Variants in ANO6 observed in about 807,000 individuals in gnomAD.
The protein encoded by ANO6 is anoctamin-6.
Under a neutral mutation model 117.5 loss-of-function variants are expected in ANO6, and 106 were observed. The observed-to-expected ratio is 0.90, with a 90% confidence interval of 0.77 to 1.06. The LOEUF (loss-of-function observed/expected upper bound fraction) is 1.06. Ranked by LOEUF, ANO6 falls within the 50% of genes least tolerant of loss-of-function variation. The pLI is 0.00. For missense variants in ANO6, 955 were observed against 1,121.1 expected, an observed-to-expected ratio of 0.85 and a Z score of 2.12; for synonymous variants, 367 against 385.1, an observed-to-expected ratio of 0.95 and a Z score of 0.55.
intron 3 of ANO6, among the ~76,000 whole-genome samples, chr12:45,340,439 G>A (rs1940948843): frequency 6.6e-6 from 1 of 152,112 alleles, no homozygotes. Flanking sequence ...AAATGTGGTT[G>A]CACTGCAAAT....
At chr12:45,288,723 A>G (rs899025960) in intron 1 of ANO6, among the ~76,000 whole-genome samples, 2 of 152,098 alleles carry the variant, frequency 1.3e-5, no homozygotes, top group African/African-American at 4.8e-5. Context: ...TTTTGGGTAT[A>G]TATTATAATA....
chr12:45,378,426 A>G (rs1377098878), intron 10 of ANO6, among the ~76,000 whole-genome samples: 2 of 152,040 alleles, frequency 1.3e-5, no homozygotes, highest in Non-Finnish European at 2.9e-5. Flanking sequence ...TCCACTGGGG[A>G]TAGATGATCT....
At position 45,409,470 on chromosome 12, in the gene ANO6, A is replaced by G; in HGVS notation, c.1994A>G (p.Tyr665Cys). 6.2e-7 allele frequency: 1 copy of G among 1,613,878 alleles called. No homozygotes were observed. The highest frequency in any genetic ancestry group is 2.2e-5 in the East Asian group (1 of 44,864). Residue 665 changes from tyrosine (Y) to cysteine (C), a missense_variant, in exon 16 of 20, where the codon TAT becomes TGT. Physicochemically the swap from Tyr to Cys is radical, Grantham distance 194. Transcript: ENST00000320560. ...CCTATGGGCAAACTGGGATTATTTT[A>G]TGAATATCTTGAAATGAGTAAGTTG... ...LQPMGKLGLF[Y>C]EYLEMIIQFG...
chr12:45,276,646 C>A (rs975604522), intron 1 of ANO6, among the ~76,000 whole-genome samples: 34 of 152,092 alleles, frequency 2.2e-4, no homozygotes, highest in African/African-American at 8.2e-4. Flanking sequence ...TCCTTCATAT[C>A]TCCAAGCAGA....
chr12:45,259,367 G>A (rs545270600), intron 1 of ANO6, among the ~76,000 whole-genome samples: 111 of 152,270 alleles, frequency 7.3e-4, no homozygotes, highest in African/African-American at 1.1e-3. Flanking sequence ...TCAGGGGAGC[G>A]AGTCATTGGA....
intron 1 of ANO6, among the ~76,000 whole-genome samples, chr12:45,290,109 G>T (rs1206857378): frequency 2.0e-5 from 3 of 151,984 alleles, no homozygotes; most frequent in Admixed American, 2.0e-4. Flanking sequence ...GTTTGGGTAA[G>T]GCATGCTGTT....
intron 19 of ANO6, among the ~76,000 whole-genome samples, chr12:45,426,791 C>T (rs1485438833): frequency 6.6e-6 from 1 of 152,014 alleles, no homozygotes; most frequent in Admixed American, 6.6e-5. Context: ...TGGTTGTCAT[C>T]TTTTCTCTCT....
At chr12:45,373,503 C>T (rs145710427) in intron 9 of ANO6, among the ~76,000 whole-genome samples, 1 of 152,140 alleles carries the variant, frequency 6.6e-6, no homozygotes, top group Non-Finnish European at 1.5e-5. Flanking sequence ...GAAATTATAA[C>T]AAACTATCTC....
intron 19 of ANO6, among the ~76,000 whole-genome samples, chr12:45,424,350 T>G (rs1943445432): frequency 7.4e-6 from 1 of 135,078 alleles, no homozygotes; most frequent in South Asian, 2.7e-4. Flanking sequence ...TTTTTTTTTT[T>G]TTTTTAAAGA....
Position 45,216,463 on chromosome 12 carries a change from G to C in ANO6, c.70+72G>C, listed in dbSNP as rs879675330. 6.6e-5 allele frequency: 101 copies of C among 1,533,888 alleles called. No individual in the cohort carries two copies. The Admixed American group carries it at 1.9e-3, about 28-fold the overall frequency. On this transcript the variant is annotated intron_variant, in intron 1 of 19. Transcript: ENST00000320560. ...CGGGAAGAAGTTCGGGGACTGCGCG[G>C]GGGCGCTGTGCTCTCCGCGGGGGAG... is the stretch of plus-strand genomic sequence containing the variant.
intron 2 of ANO6, among the ~76,000 whole-genome samples, chr12:45,306,974 A>G (rs942296446): frequency 3.8e-4 from 58 of 152,220 alleles, no homozygotes; most frequent in African/African-American, 1.3e-3. Context: ...AAGGAGTAGC[A>G]TAAACAGGTT....
chr12:45,274,203 C>T (rs552253527), intron 1 of ANO6, among the ~76,000 whole-genome samples: 2 of 152,266 alleles, frequency 1.3e-5, no homozygotes, highest in East Asian at 3.9e-4. Flanking sequence ...GCCCTGAATG[C>T]CATCTGTATG....
chr12:45,302,230 G>A (rs17095706), intron 2 of ANO6, 137 bp downstream of exon 2: 17,099 of 781,010 alleles, frequency 0.022, 456 homozygotes, highest in East Asian at 0.11. Flanking sequence ...GGGACTGTGC[G>A]TTCAGAGCTC....
At position 45,431,354 on chromosome 12, in the gene ANO6, A is replaced by ACTAT. The variant is rs1258704597; in HGVS notation, c.*2046_*2049dup. On this transcript the variant is annotated 3_prime_UTR_variant, in exon 20 of 20. Transcript: ENST00000320560. ...CCTCTTCTCTTCTCTGAAGTGTGTG[A>ACTAT]CTATCTCCTAGTGTTTAAATTTGGC... The ACTAT allele has an allele frequency of 1.7e-5, 17 of 985,378 alleles. No homozygotes were observed. In the African/African-American group the frequency reaches 1.9e-4, roughly 11 times the overall value. 61.0% of individuals were successfully genotyped at this position (985,378 alleles called of 1,614,324 possible).
intron 1 of ANO6, among the ~76,000 whole-genome samples, chr12:45,244,421 T>G (rs1947794129): frequency 1.4e-5 from 2 of 140,610 alleles, no homozygotes; most frequent in Non-Finnish European, 3.1e-5. Flanking sequence ...GGGGGTGGTC[T>G]GTGGATCTGC....
intron 19 of ANO6, among the ~76,000 whole-genome samples, chr12:45,425,495 A>G (rs1489563187): frequency 3.3e-5 from 5 of 152,224 alleles, no homozygotes; most frequent in Non-Finnish European, 7.4e-5. Flanking sequence ...CGGAGGGAAA[A>G]AACTGATGAC....
At chr12:45,432,801 A>G (rs1043719811), downstream of ANO6, among the ~76,000 whole-genome samples, 1 of 152,192 alleles carries the variant, frequency 6.6e-6, no homozygotes, top group African/African-American at 2.4e-5. Context: ...TTCTCTCTAT[A>G]GGACACCTTT....
chr12:45,411,585 C>T (rs1296726976), intron 16 of ANO6, among the ~76,000 whole-genome samples: 2 of 152,192 alleles, frequency 1.3e-5, no homozygotes, highest in Non-Finnish European at 2.9e-5. Context: ...ACACAGTCCC[C>T]TCCTTCCCAT....
chr12:45,352,030 T>C (rs867474316), intron 7 of ANO6, among the ~76,000 whole-genome samples: 1 of 151,964 alleles, frequency 6.6e-6, no homozygotes, highest in Non-Finnish European at 1.5e-5. Flanking sequence ...ATGGATTGGA[T>C]GTGGAGAGTG....
Sources: allele counts gnomAD v4.1 joint callset (sites outside exome capture counted in the v4.1 genomes callset), GRCh38; gene constraint gnomAD v4.1.1; transcripts MANE v1.5; gene names NCBI Gene and HGNC (gene_info 2026-07-23, HGNC 2026-07-21).